Variants in NLGN4Y observed in about 807,000 individuals in gnomAD.
NLGN4Y encodes neuroligin 4 Y-linked.
In NLGN4Y, 4 loss-of-function variants were observed where a neutral mutation model predicts 8.4. That is an observed-to-expected ratio of 0.48 (90% CI 0.23 to 1.09). The LOEUF (loss-of-function observed/expected upper bound fraction) is 1.09. Among genes scored for constraint, NLGN4Y ranks in the 50% least tolerant of loss-of-function variants. The pLI, the probability that NLGN4Y is intolerant of heterozygous loss-of-function variation, is 0.19. For missense variants in NLGN4Y, 90 were observed against 192.3 expected (o/e 0.47, Z 3.15); for synonymous variants, 35 against 75.6 (o/e 0.46, Z 2.78).
At chrY:14,659,803 A>G (rs2080667491) in intron 2 of NLGN4Y, among the ~76,000 whole-genome samples, 2 of 32,697 alleles carry the variant, frequency 6.1e-5, no homozygotes, top group Non-Finnish European at 1.5e-4. Flanking sequence ...GCTATGAGTG[A>G]CAGCCTCTTG....
intron 1 of NLGN4Y, among the ~76,000 whole-genome samples, chrY:14,606,820 T>G: frequency 3.1e-5 from 1 of 32,503 alleles, no homozygotes; most frequent in Non-Finnish European, 7.5e-5. Flanking sequence ...TATATATATA[T>G]ACGTATATAC....
intron 2 of NLGN4Y, among the ~76,000 whole-genome samples, chrY:14,667,358 G>A: frequency 3.1e-5 from 1 of 32,474 alleles, no homozygotes; most frequent in Non-Finnish European, 7.5e-5. Context: ...AGTTGGAGAT[G>A]TTAAGATGTT....
intron 2 of NLGN4Y, among the ~76,000 whole-genome samples, chrY:14,695,995 G>T: frequency 6.2e-5 from 2 of 32,460 alleles, no homozygotes; most frequent in African/African-American, 1.2e-4. Flanking sequence ...GCTCATAGAG[G>T]TCCCCCAAGC....
chrY:14,651,682 A>G (rs2080630604), intron 2 of NLGN4Y, among the ~76,000 whole-genome samples: 1 of 33,192 alleles, frequency 3.0e-5, no homozygotes, highest in Admixed American at 2.8e-4. Context: ...CTACCATTGT[A>G]TGACCCATTG....
intron 1 of NLGN4Y, among the ~76,000 whole-genome samples, chrY:14,617,045 TAA>T (rs2080491407): frequency 3.1e-5 from 1 of 32,562 alleles, no homozygotes; most frequent in Non-Finnish European, 7.5e-5. Flanking sequence ...AGTGGGGTGT[TAA>T]AGTCTCCCAT....
chrY:14,801,232 C>T (rs2043029188), intron 4 of NLGN4Y: 2 of 31,964 alleles, frequency 6.3e-5, no homozygotes, highest in African/African-American at 1.2e-4. Context: ...AAGAACTGCC[C>T]GAGACTGGCT....
chrY:14,573,286 T>A, intron 1 of NLGN4Y, among the ~76,000 whole-genome samples: 5 of 33,355 alleles, frequency 1.5e-4, no homozygotes, highest in Non-Finnish European at 3.0e-4. Context: ...CTGTTATTGG[T>A]CTATTCAGAG....
At chrY:14,754,828 C>G (rs766143846) in intron 4 of NLGN4Y, among the ~76,000 whole-genome samples, 27 of 33,333 alleles carry the variant, frequency 8.1e-4, no homozygotes, top group African/African-American at 3.1e-3. Context: ...ACAGATTATT[C>G]TTTAGTTTCC....
chrY:14,755,056 A>G (rs2081052352), intron 4 of NLGN4Y, among the ~76,000 whole-genome samples: 1 of 33,266 alleles, frequency 3.0e-5, no homozygotes, highest in Non-Finnish European at 7.4e-5. Flanking sequence ...TAGGTATATG[A>G]AATTTCCCCT....
chrY:14,548,302 C>T (rs1603499326), intron 1 of NLGN4Y, among the ~76,000 whole-genome samples: 5 of 32,433 alleles, frequency 1.5e-4, no homozygotes, highest in African/African-American at 3.6e-4. Flanking sequence ...ATAAAAATTA[C>T]CCAGGCATGA....
At chrY:14,808,056 GT>G (rs2043063782) in intron 4 of NLGN4Y, among the ~76,000 whole-genome samples, 70 of 32,336 alleles carry the variant, frequency 2.2e-3, no homozygotes, top group Non-Finnish European at 6.9e-4. Context: ...TTGAGATGGA[GT>G]TTTTTTTTCT....
intron 1 of NLGN4Y, among the ~76,000 whole-genome samples, chrY:14,563,013 T>G: frequency 3.0e-5 from 1 of 33,722 alleles, no homozygotes; most frequent in Non-Finnish European, 7.4e-5. Context: ...GACTCCCTCT[T>G]TTCAAAGTTG....
chrY:14,696,783 TA>T (rs2080829035), intron 2 of NLGN4Y, among the ~76,000 whole-genome samples: 1 of 32,904 alleles, frequency 3.0e-5, no homozygotes, highest in Non-Finnish European at 7.5e-5. Flanking sequence ...TTACTGAGCA[TA>T]ATTTATAAAT....
intron 3 of NLGN4Y, 56 bp downstream of exon 3, chrY:14,719,574 C>A: frequency 6.5e-6 from 1 of 153,953 alleles, no homozygotes. Flanking sequence ...GTCTATCTAT[C>A]TCTCTCTTTT....
At chrY:14,548,723 T>G in intron 1 of NLGN4Y, among the ~76,000 whole-genome samples, 1 of 33,007 alleles carries the variant, frequency 3.0e-5, no homozygotes, top group African/African-American at 1.2e-4. Context: ...TAGGAGATTC[T>G]CCATAGGCCC....
intron 2 of NLGN4Y, among the ~76,000 whole-genome samples, chrY:14,704,997 C>T (rs2080871167): frequency 6.1e-5 from 2 of 32,683 alleles, no homozygotes; most frequent in Non-Finnish European, 1.5e-4. Context: ...TCTTTGGGAT[C>T]GGTGGTGATA....
chrY:14,728,887 A>G, intron 4 of NLGN4Y, among the ~76,000 whole-genome samples: 1 of 33,671 alleles, frequency 3.0e-5, no homozygotes, highest in African/African-American at 1.2e-4. Context: ...ACACCAAAAA[A>G]TAGCTAAAAT....
At chrY:14,836,025 C>T in intron 6 of NLGN4Y, among the ~76,000 whole-genome samples, 1 of 33,302 alleles carries the variant, frequency 3.0e-5, no homozygotes, top group African/African-American at 1.2e-4. Flanking sequence ...TTGATCAAGA[C>T]AGGATGTTGA....
chrY:14,681,419 T>C, intron 2 of NLGN4Y, among the ~76,000 whole-genome samples: 1 of 32,557 alleles, frequency 3.1e-5, no homozygotes, highest in African/African-American at 1.2e-4. Context: ...GCCCCCATGA[T>C]CTAAACACCC....
Sources: gnomAD v4.1 joint callset for allele counts (sites outside exome capture counted in the v4.1 genomes callset) on GRCh38, gnomAD v4.1.1 for gene constraint, MANE v1.5 for transcripts, NCBI Gene and HGNC (gene_info 2026-07-23, HGNC 2026-07-21) for gene names.